The following TACR1 variants were observed in gnomAD, a reference collection of about 807,000 sequenced individuals.
TACR1 encodes the protein substance-P receptor.
In TACR1, 25 loss-of-function variants were observed where a neutral mutation model predicts 35.8. The ratio of observed to expected loss-of-function variants is 0.70; its 90% CI spans 0.51 to 0.98. The LOEUF is 0.98. Ranked by LOEUF, TACR1 falls within the 50% of genes least tolerant of loss-of-function variation. TACR1 has a pLI of 0.00. For missense variants in TACR1, 478 were observed against 522.9 expected (o/e 0.91, Z 0.84); for synonymous variants, 195 against 206.7 (o/e 0.94, Z 0.48).
chr2:75,070,931 T>C (rs1290853224), intron 2 of TACR1, among the ~76,000 whole-genome samples: 1 of 152,150 alleles, frequency 6.6e-6, no homozygotes, highest in Non-Finnish European at 1.5e-5. Flanking sequence ...GGCTTGCAAA[T>C]TAAGAATGGT....
chr2:75,126,640 A>G (rs764921526), intron 1 of TACR1, among the ~76,000 whole-genome samples: 1 of 152,208 alleles, frequency 6.6e-6, no homozygotes, highest in Non-Finnish European at 1.5e-5. Flanking sequence ...AAATTGACAA[A>G]TGGGATCTAA....
intron 2 of TACR1, among the ~76,000 whole-genome samples, chr2:75,061,473 C>T (rs139935914): frequency 5.1e-4 from 78 of 152,160 alleles, no homozygotes; most frequent in African/African-American, 7.5e-4. Context: ...GGCCAAGGGC[C>T]GAAGGAAGCT....
chr2:75,169,008 A>T (rs1003776903), intron 1 of TACR1, among the ~76,000 whole-genome samples: 1 of 152,256 alleles, frequency 6.6e-6, no homozygotes, highest in Non-Finnish European at 1.5e-5. Flanking sequence ...TTCTCTAATT[A>T]TTAAATCAGA....
At chr2:75,084,636 T>C (rs891062984) in intron 2 of TACR1, among the ~76,000 whole-genome samples, 1 of 152,242 alleles carries the variant, frequency 6.6e-6, no homozygotes, top group Non-Finnish European at 1.5e-5. Flanking sequence ...AGATTCAACT[T>C]CTTCCTGGTT....
chr2:75,167,809 G>A (rs908618142), intron 1 of TACR1, among the ~76,000 whole-genome samples: 3 of 152,182 alleles, frequency 2.0e-5, no homozygotes, highest in African/African-American at 7.2e-5. Context: ...TAGTAAAAGA[G>A]TTAATATTCT....
chr2:75,187,306 G>T (rs1340188806), intron 1 of TACR1: 1 of 152,250 alleles, frequency 6.6e-6, no homozygotes, highest in Middle Eastern at 3.2e-3. Flanking sequence ...TCAGGGCAGA[G>T]ATAATTCTGC....
At chr2:75,159,692 C>T (rs1387280476) in intron 1 of TACR1, among the ~76,000 whole-genome samples, 1 of 152,184 alleles carries the variant, frequency 6.6e-6, no homozygotes. Flanking sequence ...TTTGACCACA[C>T]TTTCCCTAAT....
rs1265040128 is a variant in TACR1, at chr2:75,047,941, C to T, written c.*1491G>A. On this transcript the variant is annotated 3_prime_UTR_variant, in exon 5 of 5. Transcript: ENST00000305249. ...GTTACATGAAGCTTCTGCTTCCAGC[C>T]ATATCTGGAAAAAACACAGATTTGG... The T allele has an allele frequency of 6.6e-6, 1 of 151,996 alleles. No individual in the cohort carries two copies. The highest frequency in any genetic ancestry group is 2.4e-5 in the African/African-American group (1 of 41,370). 9.4% of individuals were successfully genotyped at this position (151,996 alleles called of 1,614,324 possible). A position where few individuals can be genotyped will look rare whatever the true frequency, so the allele number is the denominator to read the frequency against.
chr2:75,137,176 G>A (rs769355382), intron 1 of TACR1, among the ~76,000 whole-genome samples: 50 of 152,020 alleles, frequency 3.3e-4, no homozygotes, highest in Non-Finnish European at 5.9e-4. Flanking sequence ...AAGGCTGATT[G>A]TTTCAGTCCC....
At chr2:75,120,809 C>A (rs746579971) in intron 1 of TACR1, 41 bp from the exon 2 acceptor site, 2 of 1,481,138 alleles carry the variant, frequency 1.4e-6, no homozygotes, top group South Asian at 1.4e-5. Context: ...ATCTGGTCAC[C>A]AAAATCTGTA....
At chr2:75,190,785 C>T (rs1205266705) in intron 1 of TACR1, among the ~76,000 whole-genome samples, 1 of 152,132 alleles carries the variant, frequency 6.6e-6, no homozygotes, top group Non-Finnish European at 1.5e-5. Context: ...TGGAACCCAT[C>T]GCCTGGGCTC....
At chr2:75,051,006 T>C (rs578132977) in intron 4 of TACR1, 1 of 539,592 alleles carries the variant, frequency 1.9e-6, no homozygotes, top group African/African-American at 1.9e-5. Context: ...CAGAAGACTT[T>C]GGACAATAAT....
chr2:75,111,938 A>AT (rs1455425763), intron 2 of TACR1, among the ~76,000 whole-genome samples: 1 of 151,932 alleles, frequency 6.6e-6, no homozygotes, highest in Non-Finnish European at 1.5e-5. Flanking sequence ...ATATGTATAA[A>AT]TTTTTAAAAA....
chr2:75,113,160 C>T (rs1440600453), intron 2 of TACR1, among the ~76,000 whole-genome samples: 6 of 152,166 alleles, frequency 3.9e-5, no homozygotes, highest in African/African-American at 7.2e-5. Flanking sequence ...CCCTTTACCT[C>T]CAAGCTGTAT....
intron 1 of TACR1, among the ~76,000 whole-genome samples, chr2:75,192,844 A>C (rs746562822): frequency 1.3e-5 from 2 of 152,224 alleles, no homozygotes; most frequent in African/African-American, 4.8e-5. Context: ...CATAAATAAA[A>C]GATATCATTA....
At chr2:75,140,177 C>G (rs1352990892) in intron 1 of TACR1, among the ~76,000 whole-genome samples, 1 of 152,028 alleles carries the variant, frequency 6.6e-6, no homozygotes, top group Non-Finnish European at 1.5e-5. Context: ...TCAAAGTAGC[C>G]TCCTTTCCTT....
rs1337143942 is a variant in TACR1, at chr2:75,129,613, A to T, written c.390-8845T>A. Among the ~76,000 whole-genome samples, 3 of 152,350 alleles carry T rather than the reference A, an allele frequency of 2.0e-5. No homozygotes were observed. The East Asian group carries it at 5.8e-4, about 29-fold the overall frequency. On this transcript the variant is annotated intron_variant, in intron 1 of 4. Coordinates refer to ENST00000305249, the MANE Select transcript of TACR1 (RefSeq NM_001058.4). ...ACACTGTACCTCACAACTATGTACA[A>T]TTATTACGTGTCAATTAAAACAAAT...
Position 75,165,740 on chromosome 2 carries a change from C to T in TACR1, c.389+32806G>A, listed in dbSNP as rs17010843. On this transcript the variant is annotated intron_variant, in intron 1 of 4. Coordinates refer to ENST00000305249, the MANE Select transcript of TACR1 (RefSeq NM_001058.4). ...AGGCTAACGCTGGTACTTATTATGGCAAATCCTTTAGCTTCAGGTCCCTGC... is the reference window on the plus strand; with the variant it reads ...AGGCTAACGCTGGTACTTATTATGGTAAATCCTTTAGCTTCAGGTCCCTGC... Among the ~76,000 whole-genome samples, 740 of 152,258 alleles carry T rather than the reference C, an allele frequency of 4.9e-3. 3 individuals are homozygous for T. The highest frequency in any genetic ancestry group is 0.017 in the African/African-American group (711 of 41,544).
intron 2 of TACR1, among the ~76,000 whole-genome samples, chr2:75,061,690 A>G (rs1450531820): frequency 1.3e-5 from 2 of 152,148 alleles, no homozygotes; most frequent in African/African-American, 4.8e-5. Flanking sequence ...TGATGGGGTG[A>G]CCAATCAAGG....
Sources: gnomAD v4.1 joint callset for allele counts (sites outside exome capture counted in the v4.1 genomes callset) on GRCh38, gnomAD v4.1.1 for gene constraint, MANE v1.5 for transcripts, NCBI Gene and HGNC (gene_info 2026-07-23, HGNC 2026-07-21) for gene names.